The following PXK variants were observed in gnomAD, a reference collection of about 807,000 sequenced individuals.
PXK encodes PX domain containing serine/threonine kinase like, also known as PX domain-containing protein kinase-like protein.
Under a neutral mutation model 84.7 loss-of-function variants are expected in PXK, and 35 were observed. The observed-to-expected ratio is 0.41, with a 90% CI of 0.32 to 0.55. The LOEUF (loss-of-function observed/expected upper bound fraction) is 0.55, where lower values mean the gene tolerates loss of function less well. Among genes scored for constraint, PXK ranks in the 20% least tolerant of loss-of-function variants. The probability of loss-of-function intolerance (pLI) is 0.21; values close to 1 mark genes in which losing one functional copy is unlikely to be tolerated. For missense variants in PXK, 634 were observed against 699.7 expected, an observed-to-expected ratio of 0.91 and a Z score of 1.06; for synonymous variants, 253 against 260.8, an observed-to-expected ratio of 0.97 and a Z score of 0.29.
Position 58,397,755 on chromosome 3 carries a change from C to G in PXK, c.1102+33C>G, listed in dbSNP as rs1336875126. Reference sequence around the variant, plus strand: ...TGGGGTTGGGAAGGGTCTTCTGGGCCCTAGTAGTGTGCAGAGCCACTCATC... The same window carrying G: ...TGGGGTTGGGAAGGGTCTTCTGGGCGCTAGTAGTGTGCAGAGCCACTCATC... On this transcript the variant is annotated intron_variant, in intron 11 of 17. Coordinates refer to ENST00000356151, the MANE Select transcript of PXK (RefSeq NM_017771.5). This position sits in a 1 kb window ranked among gnomAD's most constrained non-coding sequence, Gnocchi z 4.7. 46 of 1,541,220 alleles carry G rather than the reference C, an allele frequency of 3.0e-5. No homozygotes were observed. Among genetic ancestry groups the G allele is most frequent in the African/African-American group, 4.1e-5 (3 of 73,184 alleles).
Position 58,422,727 on chromosome 3 carries a change from GCAGCCCCTACCCCT to G in PXK, c.1529-2018_1529-2005del, listed in dbSNP as rs1576901137. The G allele has an allele frequency of 4.1e-6, 4 of 985,374 alleles. No homozygotes were observed. In the East Asian group the frequency reaches 3.4e-4, roughly 84 times the overall value. The allele number at this position is 985,374 out of a possible 1,614,324, so 61.0% of individuals were successfully genotyped here. ...AGCAGTTTTGTTCTGTGCCAAGATG[GCAGCCCCTACCCCT>G]CAGCCCAGCCCTGAGGCCCGTCTCC... On this transcript the variant is annotated intron_variant, in intron 17 of 17. Transcript: ENST00000356151.
chr3:58,391,738 A>G, intron 6 of PXK, 35 bp from the exon 7 acceptor site: 1 of 1,579,520 alleles, frequency 6.3e-7, no homozygotes, highest in East Asian at 2.2e-5. Flanking sequence ...TTGGTGACCA[A>G]AACAGTACCC....
chr3:58,345,079 A>G (rs1346246066), intron 1 of PXK, among the ~76,000 whole-genome samples: 1 of 152,206 alleles, frequency 6.6e-6, no homozygotes, highest in African/African-American at 2.4e-5. Context: ...AGATAAAAAG[A>G]TGAATGAAGC....
chr3:58,346,614 C>T (rs558424970), intron 1 of PXK, among the ~76,000 whole-genome samples: 2 of 152,042 alleles, frequency 1.3e-5, no homozygotes, highest in Admixed American at 1.3e-4. Context: ...TCACTATGTG[C>T]CAAGCCAAGT....
In PXK at chr3:58,400,338, C is replaced by A. The variant is rs570424224; in HGVS notation, c.1181+961C>A. 6.6e-6 allele frequency among the ~76,000 whole-genome samples: 1 copy of A among 152,102 alleles called. No individual in the cohort carries two copies. The highest frequency in any genetic ancestry group is 1.5e-5 in the Non-Finnish European group (1 of 68,032). ...GTATCTGGTGCTTTGTCTGCACCAGCGTATTATATAACAGATATACTCTGA... is the reference window on the plus strand; with the variant it reads ...GTATCTGGTGCTTTGTCTGCACCAGAGTATTATATAACAGATATACTCTGA... On this transcript the variant is annotated intron_variant, in intron 12 of 17. Coordinates refer to ENST00000356151, the MANE Select transcript of PXK (RefSeq NM_017771.5). The surrounding 1 kb of genome is among the most constrained non-coding windows in gnomAD (Gnocchi z 4.0).
In PXK at chr3:58,370,243, T is replaced by G. The variant is rs2098344936; in HGVS notation, c.201+765T>G. ...TTTATCCTAAATATGTAGTTAGAAA[T>G]CCCTTTGTTTTAAATGTTCCTAACT... is the stretch of plus-strand genomic sequence containing the variant. On this transcript the variant is annotated intron_variant, in intron 3 of 17. Coordinates refer to ENST00000356151, the MANE Select transcript of PXK (RefSeq NM_017771.5). The surrounding 1 kb of genome is among the most constrained non-coding windows in gnomAD (Gnocchi z 4.2). 2.0e-5 allele frequency among the ~76,000 whole-genome samples: 3 copies of G among 152,202 alleles called. No homozygotes were observed. Among genetic ancestry groups the G allele is most frequent in the African/African-American group, 7.2e-5 (3 of 41,462 alleles).
chr3:58,338,238 G>A (rs893365302), intron 1 of PXK, among the ~76,000 whole-genome samples: 3 of 151,650 alleles, frequency 2.0e-5, no homozygotes, highest in Non-Finnish European at 2.9e-5. Context: ...TACTTGGGAG[G>A]CTGAGGCAGG....
chr3:58,370,670 T>C lies in PXK; in HGVS notation c.201+1192T>C, dbSNP rs2098354391. Among the ~76,000 whole-genome samples the C allele has an allele frequency of 6.6e-6, 1 of 152,100 alleles. No homozygotes were observed. The highest frequency in any genetic ancestry group is 1.5e-5 in the Non-Finnish European group (1 of 68,020). On this transcript the variant is annotated intron_variant, in intron 3 of 17. Coordinates refer to ENST00000356151, the MANE Select transcript of PXK (RefSeq NM_017771.5). This position sits in a 1 kb window ranked among gnomAD's most constrained non-coding sequence, Gnocchi z 4.2. Reference sequence around the variant, plus strand: ...GAGGAAGCGTAATACTTCCTTTCCTTCAGAAGGCCACGTTTTGTTGGTCAG... The same window carrying C: ...GAGGAAGCGTAATACTTCCTTTCCTCCAGAAGGCCACGTTTTGTTGGTCAG...
At position 58,382,646 on chromosome 3, in the gene PXK, T is replaced by C. The variant is rs762177287; in HGVS notation, c.334T>C (p.Cys112Arg). ...VITTNHILSN[C>R]ELVKKFLDPN... is the part of the protein sequence containing the mutation. ...CACAACAAATCATATCTTGTCTAAT[T>C]GTGAGCTGGTTAAGAAGTTTTTAGA... The change falls in exon 4 of 18, where the codon TGT (cysteine) becomes CGT (arginine). Residue 112 changes from cysteine (C) to arginine (R), a missense_variant. This residue lies in a region of PXK where 353 missense variants were observed against 385.2 expected (regional missense o/e 0.92). Transcript: ENST00000356151. 6.3e-7 allele frequency: 1 copy of C among 1,593,294 alleles called. No homozygotes were observed. Among genetic ancestry groups the C allele is most frequent in the Non-Finnish European group, 8.5e-7 (1 of 1,173,852 alleles).
Position 58,332,963 on chromosome 3 carries a change from A to G in PXK, c.-26A>G. The G allele has an allele frequency of 7.5e-7, 1 of 1,332,828 alleles. No individual in the cohort carries two copies. Among genetic ancestry groups the G allele is most frequent in the South Asian group, 1.5e-5 (1 of 67,770 alleles). The allele number at this position is 1,332,828 out of a possible 1,614,324, so 82.6% of individuals were successfully genotyped here. On this transcript the variant is annotated 5_prime_UTR_variant, in exon 1 of 18. Transcript: ENST00000356151. The surrounding 1 kb of genome is among the most constrained non-coding windows in gnomAD (Gnocchi z 5.6). ...CCTCGGGTTCCTACCTCGCGTCCCT[A>G]GGCGGCGGCGGCCGGGCGTCCCGGG...
chr3:58,351,625 A>G (rs1337691998), intron 1 of PXK, among the ~76,000 whole-genome samples: 4 of 152,122 alleles, frequency 2.6e-5, no homozygotes, highest in Non-Finnish European at 5.9e-5. Context: ...AAACTTTTCC[A>G]AAAATTGTTT....
Position 58,391,140 on chromosome 3 carries a change from A to G in PXK, c.467-7A>G, listed in dbSNP as rs1184785773. The G allele has an allele frequency of 2.5e-6, 4 of 1,610,030 alleles. No individual in the cohort carries two copies. The highest frequency in any genetic ancestry group is 2.2e-5 in the East Asian group (1 of 44,826). On this transcript the variant is annotated splice_region_variant and splice_polypyrimidine_tract_variant and intron_variant, in intron 5 of 17. Transcript: ENST00000356151. ...CAGCTCTAAGCACATTTTTGCTTTT[A>G]TGGCAGGTTGGAGAATAAGGAAGAA...
In PXK at chr3:58,332,943, G is replaced by C; in HGVS notation, c.-46G>C. 7.9e-7 allele frequency: 1 copy of C among 1,258,706 alleles called. No individual in the cohort carries two copies. The highest frequency in any genetic ancestry group is 1.6e-5 in the African/African-American group (1 of 62,976). 78.0% of individuals were successfully genotyped at this position (1,258,706 alleles called of 1,614,324 possible). A position where few individuals can be genotyped will look rare whatever the true frequency, so the allele number is the denominator to read the frequency against. Reference sequence around the variant, plus strand: ...GCGGGCGGCGGGAGTCGGCGCCTCGGGTTCCTACCTCGCGTCCCTAGGCGG... The same window carrying C: ...GCGGGCGGCGGGAGTCGGCGCCTCGCGTTCCTACCTCGCGTCCCTAGGCGG... On this transcript the variant is annotated 5_prime_UTR_variant, in exon 1 of 18. Transcript: ENST00000356151. This position sits in a 1 kb window ranked among gnomAD's most constrained non-coding sequence, Gnocchi z 5.6.
intron 4 of PXK, among the ~76,000 whole-genome samples, chr3:58,386,354 A>G (rs2098551623): frequency 8.4e-6 from 1 of 119,316 alleles, no homozygotes; most frequent in Admixed American, 1.2e-4. Context: ...GGAGTGCTGT[A>G]GCGTGGTCTT....
In PXK at chr3:58,357,007, G is replaced by A. The variant is rs372574540; in HGVS notation, c.103-8867G>A. Among the ~76,000 whole-genome samples the A allele has an allele frequency of 1.9e-3, 286 of 151,106 alleles. 1 individual carries two copies. The highest frequency in any genetic ancestry group is 6.5e-3 in the African/African-American group (269 of 41,300). On this transcript the variant is annotated intron_variant, in intron 1 of 17. Coordinates refer to ENST00000356151, the MANE Select transcript of PXK (RefSeq NM_017771.5). Reference sequence around the variant, plus strand: ...CAATCTAGAAAACTTCAGGCTGGGCGCGGTGGCTCACACCTGTAATCCCAG... The same window carrying A: ...CAATCTAGAAAACTTCAGGCTGGGCACGGTGGCTCACACCTGTAATCCCAG...
In PXK at chr3:58,399,434, A is replaced by C; in HGVS notation, c.1181+57A>C. On this transcript the variant is annotated intron_variant, in intron 12 of 17. Transcript: ENST00000356151. The surrounding 1 kb of genome is among the most constrained non-coding windows in gnomAD (Gnocchi z 4.3). ...TGATAACTATGTTGAACACCAGACC[A>C]CTGTGTCCAAGCACCTGGTACTGTA... The C allele has an allele frequency of 2.6e-6, 4 of 1,517,874 alleles. No homozygotes were observed. The highest frequency in any genetic ancestry group is 3.6e-6 in the Non-Finnish European group (4 of 1,097,094). 94.0% of individuals were successfully genotyped at this position (1,517,874 alleles called of 1,614,324 possible).
chr3:58,353,762 G>A (rs1247349117), intron 1 of PXK, among the ~76,000 whole-genome samples: 4 of 152,192 alleles, frequency 2.6e-5, no homozygotes, highest in Admixed American at 2.0e-4. Flanking sequence ...GTAGAACAGC[G>A]AAAAGAGGGG....
chr3:58,388,089 T>A (rs1268505153), intron 4 of PXK, among the ~76,000 whole-genome samples: 1 of 152,134 alleles, frequency 6.6e-6, no homozygotes, highest in African/African-American at 2.4e-5. Context: ...AGGACTGAAA[T>A]GTGTTGCCCG....
rs1304093028 is a variant in PXK, at chr3:58,407,862, A to C, written c.1231-1062A>C. Reference sequence around the variant, plus strand: ...GTGAGCCACCTTGCCCGGCTGCACCAAAGTTTTAAATTTTGATGAAGTTTA... The same window carrying C: ...GTGAGCCACCTTGCCCGGCTGCACCCAAGTTTTAAATTTTGATGAAGTTTA... On this transcript the variant is annotated intron_variant, in intron 13 of 17. Coordinates refer to ENST00000356151, the MANE Select transcript of PXK (RefSeq NM_017771.5). The surrounding 1 kb of genome is among the most constrained non-coding windows in gnomAD (Gnocchi z 4.3). Among the ~76,000 whole-genome samples, 2 of 152,182 alleles carry C rather than the reference A, an allele frequency of 1.3e-5. No individual in the cohort carries two copies. The highest frequency in any genetic ancestry group is 3.9e-4 in the East Asian group (2 of 5,190).
Sources: gnomAD v4.1 joint callset for allele counts (sites outside exome capture counted in the v4.1 genomes callset) on GRCh38, gnomAD v4.1.1 for gene constraint, gnomAD v4.1.1 regional missense constraint, Gnocchi (gnomAD v3.1) non-coding constraint, MANE v1.5 for transcripts, NCBI Gene and HGNC (gene_info 2026-07-23, HGNC 2026-07-21) for gene names.